Variants in CASZ1 observed in about 807,000 individuals in gnomAD.
CASZ1 encodes the protein zinc finger protein castor homolog 1.
A neutral mutation model predicts 135.2 loss-of-function variants in CASZ1; 28 were observed. The ratio of observed to expected loss-of-function variants is 0.21; its 90% CI spans 0.15 to 0.28. The LOEUF (loss-of-function observed/expected upper bound fraction) is 0.28. CASZ1 is among the 10% of genes least tolerant of loss of function. The probability of loss-of-function intolerance (pLI) is 1.00; values close to 1 mark genes in which losing one functional copy is unlikely to be tolerated. For missense variants in CASZ1, 2,161 were observed against 2,453.3 expected (o/e 0.88, Z 2.52); for synonymous variants, 1,068 against 1,073.4 (o/e 0.99, Z 0.10).
intron 5 of CASZ1, among the ~76,000 whole-genome samples, chr1:10,663,902 C>T (rs141268189): frequency 1.2e-4 from 19 of 152,292 alleles, no homozygotes; most frequent in Admixed American, 6.5e-4. Context: ...CTCCGCTCCC[C>T]GTCAGCTGCG....
At chr1:10,761,850 G>A (rs112135310) in intron 1 of CASZ1, among the ~76,000 whole-genome samples, 1 of 152,178 alleles carries the variant, frequency 6.6e-6, no homozygotes, top group Non-Finnish European at 1.5e-5. Flanking sequence ...CAGAGGGGGT[G>A]CTCGGTCCGC....
chr1:10,778,717 T>C lies in CASZ1; in HGVS notation c.-234+17847A>G, dbSNP rs558249350. On this transcript the variant is annotated intron_variant, in intron 1 of 20. Transcript: ENST00000377022. ...TCCCAGGCAAACGTGTCCTTGCTCT[T>C]GATCCGTGTGGAATTCCAAGTCCCC... is the stretch of plus-strand genomic sequence containing the variant. 2.6e-5 allele frequency among the ~76,000 whole-genome samples: 4 copies of C among 152,314 alleles called. No individual in the cohort carries two copies. The South Asian group carries it at 8.3e-4, about 32-fold the overall frequency.
chr1:10,796,248 A>G (rs1321680288), intron 1 of CASZ1, among the ~76,000 whole-genome samples: 1 of 151,154 alleles, frequency 6.6e-6, no homozygotes, highest in African/African-American at 2.4e-5. Context: ...CCCCAGGAGG[A>G]GCAGCCCTCC....
intron 1 of CASZ1, among the ~76,000 whole-genome samples, chr1:10,785,007 C>T (rs1213814514): frequency 6.6e-6 from 1 of 152,210 alleles, no homozygotes; most frequent in Non-Finnish European, 1.5e-5. Context: ...TCCAACTTCT[C>T]TGCCTGCCTG....
At chr1:10,769,130 C>A (rs978760301) in intron 1 of CASZ1, among the ~76,000 whole-genome samples, 5 of 152,002 alleles carry the variant, frequency 3.3e-5, no homozygotes, top group Non-Finnish European at 5.9e-5. Context: ...ACAGAGCAAG[C>A]CTCCGTCTCA....
Position 10,640,000 on chromosome 1 carries a change from C to G in CASZ1, c.4222G>C (p.Asp1408His). ...CGCCGCTTGCCGAAGGGCGACATGTCCTCGATGATCCAGAAGCGCTTTTTG... is the reference window on the plus strand; with the variant it reads ...CGCCGCTTGCCGAAGGGCGACATGTGCTCGATGATCCAGAAGCGCTTTTTG... ...GAKKRFWIIE[D>H]MSPFGKRRKT... The change falls in exon 21 of 21, where the codon GAC becomes CAC. Residue 1408 changes from aspartate to histidine, a missense_variant. Asp to His is a moderately conservative substitution (Grantham distance 81, BLOSUM62 -1). Around this residue, in one of 7 missense-constraint regions of CASZ1, gnomAD observed 143 missense variants for 128.3 expected, o/e 1.11. Coordinates refer to ENST00000377022, the MANE Select transcript of CASZ1 (RefSeq NM_001079843.3). This position sits in a 1 kb window ranked among gnomAD's most constrained non-coding sequence, Gnocchi z 4.0. The G allele has an allele frequency of 6.2e-7, 1 of 1,612,422 alleles. No individual in the cohort carries two copies. The highest frequency in any genetic ancestry group is 8.5e-7 in the Non-Finnish European group (1 of 1,180,010).
At chr1:10,643,075 A>G (rs1367538898) in intron 19 of CASZ1, 75 bp from the exon 20 acceptor site, 7 of 1,595,562 alleles carry the variant, frequency 4.4e-6, no homozygotes, top group Non-Finnish European at 6.0e-6. Flanking sequence ...CTGAGGCTCC[A>G]TGCAGCACAG....
Position 10,701,334 on chromosome 1 carries a change from G to A in CASZ1, c.-24+4158C>T, listed in dbSNP as rs1042275561. Among the ~76,000 whole-genome samples, 4 of 152,184 alleles carry A rather than the reference G, an allele frequency of 2.6e-5. No homozygotes were observed. The highest frequency in any genetic ancestry group is 5.9e-5 in the Non-Finnish European group (4 of 68,034). On this transcript the variant is annotated intron_variant, in intron 3 of 20. Transcript: ENST00000377022. The surrounding 1 kb of genome is among the most constrained non-coding windows in gnomAD (Gnocchi z 6.3). Reference sequence around the variant, plus strand: ...TCATATTCTCCATGTGCAGCAGACCGTGAATTCACCTTCATACTAGTTACA... The same window carrying A: ...TCATATTCTCCATGTGCAGCAGACCATGAATTCACCTTCATACTAGTTACA...
chr1:10,667,330 C>A (rs1273450255), intron 4 of CASZ1, among the ~76,000 whole-genome samples: 1 of 152,208 alleles, frequency 6.6e-6, no homozygotes, highest in African/African-American at 2.4e-5. Context: ...AGGCCCACTG[C>A]CAGAGAAGGG....
At position 10,795,735 on chromosome 1, in the gene CASZ1, A is replaced by C. The variant is rs1641054976; in HGVS notation, c.-234+829T>G. ...GGGTGGGGTGGGGAAGGGAGTGAGG[A>C]ACGCCACTTGCCGCGCCTGGAGCAG... On this transcript the variant is annotated intron_variant, in intron 1 of 20. Coordinates refer to ENST00000377022, the MANE Select transcript of CASZ1 (RefSeq NM_001079843.3). Among the ~76,000 whole-genome samples the C allele has an allele frequency of 2.0e-5, 3 of 149,908 alleles. No individual in the cohort carries two copies. The South Asian group carries it at 6.3e-4, about 32-fold the overall frequency.
intron 2 of CASZ1, among the ~76,000 whole-genome samples, chr1:10,708,436 G>A (rs965759534): frequency 4.6e-5 from 7 of 152,226 alleles, no homozygotes; most frequent in African/African-American, 1.7e-4. Flanking sequence ...AAGAAGAAGA[G>A]CACAGAAGGG....
intron 2 of CASZ1, among the ~76,000 whole-genome samples, chr1:10,744,117 C>A: frequency 6.6e-6 from 1 of 152,224 alleles, no homozygotes; most frequent in South Asian, 2.1e-4. Flanking sequence ...ACTCCCACCC[C>A]GACCCTGCCC....
chr1:10,687,080 A>G (rs576191127), intron 4 of CASZ1, among the ~76,000 whole-genome samples: 1 of 152,256 alleles, frequency 6.6e-6, no homozygotes, highest in Admixed American at 6.5e-5. Context: ...GTCTCTCCCA[A>G]CAGGCCTCTG....
At chr1:10,733,632 T>C (rs1448429662) in intron 2 of CASZ1, among the ~76,000 whole-genome samples, 1 of 152,142 alleles carries the variant, frequency 6.6e-6, no homozygotes, top group Non-Finnish European at 1.5e-5. Flanking sequence ...TGGGAATATA[T>C]GAAGAGAGGC....
chr1:10,639,031 C>A lies in CASZ1; in HGVS notation c.5191G>T (p.Ala1731Ser). 9.7e-7 allele frequency: 1 copy of A among 1,032,702 alleles called. No individual in the cohort carries two copies. Among genetic ancestry groups the A allele is most frequent in the Non-Finnish European group, 1.2e-6 (1 of 851,668 alleles). 64.0% of individuals were successfully genotyped at this position (1,032,702 alleles called of 1,614,324 possible). ...ESLPEAAAEAAGAGARTPALA... is the reference protein window; with the variant it reads ...ESLPEAAAEASGAGARTPALA... ...GCCGGGGTCCGCGCGCCCGCGCCCG[C>A]CGCCTCCGCCGCCGCCTCGGGCAGC... The change falls in exon 21 of 21, where the codon GCG becomes TCG. Residue 1731 changes from alanine (A) to serine (S), a missense_variant. Physicochemically the swap from Ala to Ser is moderately conservative, Grantham distance 99. This residue lies in a region of CASZ1 where 185 missense variants were observed against 134.7 expected (regional missense o/e 1.37). Coordinates refer to ENST00000377022, the MANE Select transcript of CASZ1 (RefSeq NM_001079843.3). The surrounding 1 kb of genome is among the most constrained non-coding windows in gnomAD (Gnocchi z 4.0).
chr1:10,649,250 GA>G lies in CASZ1; in HGVS notation c.3035+32del, dbSNP rs771453402. ...TGGGGCTCCAGGGCGGGTGCGGGGG[GA>G]CGATGGGTGGACGCGGCCAGCAGCC... On this transcript the variant is annotated intron_variant, in intron 14 of 20. Transcript: ENST00000377022. 82 of 1,606,980 alleles carry G rather than the reference GA, an allele frequency of 5.1e-5. No individual in the cohort carries two copies. In the Admixed American group the frequency reaches 1.4e-3, roughly 27 times the overall value.
Position 10,777,825 on chromosome 1 carries a change from A to G in CASZ1, c.-233-16968T>C, listed in dbSNP as rs767701831. Among the ~76,000 whole-genome samples, 1 of 152,032 alleles carries G rather than the reference A, an allele frequency of 6.6e-6. No homozygotes were observed. Among genetic ancestry groups the G allele is most frequent in the Non-Finnish European group, 1.5e-5 (1 of 67,994 alleles). ...TATATACAGCCACTGACACAATCCC[A>G]CAACCACACACAATCTCACACACTC... On this transcript the variant is annotated intron_variant, in intron 1 of 20. Coordinates refer to ENST00000377022, the MANE Select transcript of CASZ1 (RefSeq NM_001079843.3). The surrounding 1 kb of genome is among the most constrained non-coding windows in gnomAD (Gnocchi z 4.4).
chr1:10,766,470 G>T (rs1460939621), intron 1 of CASZ1, among the ~76,000 whole-genome samples: 1 of 152,184 alleles, frequency 6.6e-6, no homozygotes, highest in African/African-American at 2.4e-5. Flanking sequence ...GCTGAGGAAA[G>T]TACCCTCGAC....
rs116857169 is a variant in CASZ1, at chr1:10,791,717, T to G, written c.-234+4847A>C. ...TACTCATGTTCTTATGTCACTGGGC[T>G]AAAAAAAGAGAGAGAGAAAAAGAGG... On this transcript the variant is annotated intron_variant, in intron 1 of 20. Transcript: ENST00000377022. Among the ~76,000 whole-genome samples the G allele has an allele frequency of 5.0e-4, 72 of 142,594 alleles. No homozygotes were observed. The East Asian group carries it at 0.014, about 28-fold the overall frequency. The allele number at this position is 142,594 out of a possible 152,430, so 93.5% of individuals were successfully genotyped here. A position where few individuals can be genotyped will look rare whatever the true frequency, so the allele number is the denominator to read the frequency against.
Sources: gnomAD v4.1 joint callset for allele counts (sites outside exome capture counted in the v4.1 genomes callset) on GRCh38, gnomAD v4.1.1 for gene constraint, gnomAD v4.1.1 regional missense constraint, Gnocchi (gnomAD v3.1) non-coding constraint, MANE v1.5 for transcripts, NCBI Gene and HGNC (gene_info 2026-07-23, HGNC 2026-07-21) for gene names.